The following TUNAR variants were observed in gnomAD, a reference collection of about 807,000 sequenced individuals.
TUNAR encodes protein TUNAR.
intron 2 of TUNAR, among the ~76,000 whole-genome samples, chr14:95,905,119 T>C (rs1381050153): frequency 6.6e-6 from 1 of 152,214 alleles, no homozygotes; most frequent in Non-Finnish European, 1.5e-5. Context: ...GACTTAAACA[T>C]TACCTCTTTT....
At chr14:95,889,981 A>G (rs1206270633) in intron 2 of TUNAR, among the ~76,000 whole-genome samples, 3 of 147,172 alleles carry the variant, frequency 2.0e-5, no homozygotes, top group African/African-American at 7.5e-5. Context: ...AAAAAAACTG[A>G]CAAATGATTC....
chr14:95,905,168 A>G (rs1889411848), intron 2 of TUNAR, among the ~76,000 whole-genome samples: 1 of 152,232 alleles, frequency 6.6e-6, no homozygotes, highest in African/African-American at 2.4e-5. Flanking sequence ...TTCCGCACCC[A>G]GTGGCCCCTC....
At chr14:95,921,782 C>T (rs759370223) in intron 2 of TUNAR, among the ~76,000 whole-genome samples, 3 of 152,164 alleles carry the variant, frequency 2.0e-5, no homozygotes, top group Admixed American at 6.5e-5. Context: ...ATGTCTAAAA[C>T]AATAGATGAC....
At chr14:95,879,426 G>T (rs552779744) in intron 2 of TUNAR, among the ~76,000 whole-genome samples, 20 of 152,248 alleles carry the variant, frequency 1.3e-4, no homozygotes, top group African/African-American at 3.1e-4. Flanking sequence ...AGCTTCTCAT[G>T]ATTAACTGGT....
chr14:95,902,974 G>T (rs980367202), intron 2 of TUNAR, among the ~76,000 whole-genome samples: 11 of 152,300 alleles, frequency 7.2e-5, no homozygotes, highest in African/African-American at 2.6e-4. Flanking sequence ...GCCATAAAAT[G>T]TAGGAGTGGA....
At chr14:95,888,697 G>A (rs1336259406) in intron 2 of TUNAR, among the ~76,000 whole-genome samples, 1 of 152,158 alleles carries the variant, frequency 6.6e-6, no homozygotes, top group Non-Finnish European at 1.5e-5. Context: ...GTAGTGCGTG[G>A]GGGTGTCTGT....
At chr14:95,891,770 T>C (rs1356118404) in intron 2 of TUNAR, among the ~76,000 whole-genome samples, 4 of 152,252 alleles carry the variant, frequency 2.6e-5, no homozygotes, top group Non-Finnish European at 5.9e-5. Flanking sequence ...ATGTATGGCC[T>C]TGTAGTTCTG....
At chr14:95,919,015 T>A (rs1347320090) in intron 2 of TUNAR, among the ~76,000 whole-genome samples, 4 of 152,164 alleles carry the variant, frequency 2.6e-5, no homozygotes, top group Non-Finnish European at 5.9e-5. Context: ...GCAGTCTTTC[T>A]AAGACGACGG....
chr14:95,914,521 C>T (rs1729467013), intron 2 of TUNAR, among the ~76,000 whole-genome samples: 2 of 152,066 alleles, frequency 1.3e-5, no homozygotes, highest in Admixed American at 1.3e-4. Flanking sequence ...TTATGTTTTC[C>T]TTATGCATGC....
intron 2 of TUNAR, among the ~76,000 whole-genome samples, chr14:95,905,591 T>G (rs1244277078): frequency 4.6e-5 from 7 of 152,224 alleles, no homozygotes; most frequent in Admixed American, 4.6e-4. Context: ...TTGACCTCGA[T>G]CACTGGGTTA....
intron 2 of TUNAR, among the ~76,000 whole-genome samples, chr14:95,913,157 T>TTTTTA (rs1555376683): frequency 4.0e-5 from 6 of 150,404 alleles, no homozygotes; most frequent in African/African-American, 1.2e-4. Context: ...TTTTTTTTTT[T>TTTTTA]AAATTCTACT....
rs576692536 is a variant in TUNAR, at chr14:95,886,671, G to A, written c.12+9494G>A. 1.1e-4 allele frequency among the ~76,000 whole-genome samples: 16 copies of A among 152,294 alleles called. 1 individual carries two copies. The South Asian group carries it at 3.1e-3, about 30-fold the overall frequency. ...AGGGAATGCAATTCCACCCTCCATG[G>A]GTCCCATTTACAGGTCAACAAATTG... On this transcript the variant is annotated intron_variant, in intron 2 of 2. Coordinates refer to ENST00000678517, the Ensembl canonical transcript of TUNAR.
chr14:95,888,032 G>A (rs1236916686), intron 2 of TUNAR, among the ~76,000 whole-genome samples: 2 of 152,228 alleles, frequency 1.3e-5, no homozygotes, highest in African/African-American at 4.8e-5. Context: ...TGGGGGACAT[G>A]CACCTTTTAT....
intron 2 of TUNAR, among the ~76,000 whole-genome samples, chr14:95,904,829 T>C (rs2139664709): frequency 6.6e-6 from 1 of 152,318 alleles, no homozygotes; most frequent in African/African-American, 2.4e-5. Flanking sequence ...GTTTATATCC[T>C]CTTCCCCTCA....
At chr14:95,922,640 A>G (rs138578332) in intron 2 of TUNAR, 141 bp from the exon 2 acceptor site, 3 of 392,938 alleles carry the variant, frequency 7.6e-6, no homozygotes, top group Non-Finnish European at 1.3e-5. Flanking sequence ...AAGGTGTCCC[A>G]AGGTAGGATC....
At chr14:95,893,340 G>C (rs924425859) in intron 2 of TUNAR, among the ~76,000 whole-genome samples, 3 of 152,190 alleles carry the variant, frequency 2.0e-5, no homozygotes, top group African/African-American at 7.2e-5. Flanking sequence ...GGAGCAACCT[G>C]ACTGGGCAGT....
At chr14:95,878,933 A>G (rs577303363) in intron 2 of TUNAR, among the ~76,000 whole-genome samples, 3 of 152,340 alleles carry the variant, frequency 2.0e-5, no homozygotes, top group South Asian at 4.1e-4. Context: ...AATCAATCAT[A>G]TTTGCATAGG....
chr14:95,911,271 C>T (rs1889508829), intron 2 of TUNAR, among the ~76,000 whole-genome samples: 1 of 152,214 alleles, frequency 6.6e-6, no homozygotes, highest in Admixed American at 6.5e-5. Context: ...CCTCGTTGCC[C>T]TTCTCCCACC....
intron 2 of TUNAR, among the ~76,000 whole-genome samples, chr14:95,906,745 G>A (rs1327969236): frequency 6.6e-6 from 1 of 152,032 alleles, no homozygotes; most frequent in Non-Finnish European, 1.5e-5. Flanking sequence ...TCCGGTCTTG[G>A]TAGGTTTGAA....
Sources: gnomAD v4.1 joint callset for allele counts (sites outside exome capture counted in the v4.1 genomes callset) on GRCh38, gnomAD v4.1.1 for gene constraint, MANE v1.5 for transcripts, NCBI Gene and HGNC (gene_info 2026-07-23, HGNC 2026-07-21) for gene names.